The following RBM26 variants were observed in gnomAD, a reference collection of about 807,000 sequenced individuals.
RBM26 encodes RNA-binding protein 26.
Under a neutral mutation model 123.6 loss-of-function variants are expected in RBM26, and 30 were observed. That is an observed-to-expected ratio of 0.24 (90% confidence interval 0.18 to 0.33). RBM26 has a LOEUF of 0.33. Ranked by LOEUF, RBM26 falls within the 10% of genes least tolerant of loss-of-function variation. The probability of loss-of-function intolerance (pLI) is 1.00; values close to 1 mark genes in which losing one functional copy is unlikely to be tolerated. For synonymous variants in RBM26, 400 were observed against 404.4 expected, an observed-to-expected ratio of 0.99 and a Z score of 0.13; for missense variants, 947 against 1,203.6, an observed-to-expected ratio of 0.79 and a Z score of 3.15.
chr13:79,385,648 C>T (rs6563101), intron 1 of RBM26, among the ~76,000 whole-genome samples: 150,261 of 152,248 alleles, frequency 0.99, 74,190 homozygotes, highest in East Asian at 1. Context: ...CAATATTTAT[C>T]AAGAATTAAA....
intron 9 of RBM26, among the ~76,000 whole-genome samples, chr13:79,363,544 T>C (rs2074944569): frequency 6.6e-6 from 1 of 152,142 alleles, no homozygotes; most frequent in African/African-American, 2.4e-5. Context: ...AAATGGTACA[T>C]GATGTATCTA....
chr13:79,335,606 T>G (rs1367505577), intron 19 of RBM26, among the ~76,000 whole-genome samples: 1 of 152,132 alleles, frequency 6.6e-6, no homozygotes, highest in Admixed American at 6.5e-5. Context: ...AAGCTAAACT[T>G]CAACTAAACC....
intron 9 of RBM26, among the ~76,000 whole-genome samples, chr13:79,362,338 AAACTT>A (rs1223718326): frequency 1.3e-5 from 2 of 152,102 alleles, no homozygotes; most frequent in African/African-American, 4.8e-5. Context: ...TCTTTCCACT[AAACTT>A]ATTTTTTTCA....
chr13:79,317,071 G>C (rs2138256151), downstream of RBM26, among the ~76,000 whole-genome samples: 1 of 151,832 alleles, frequency 6.6e-6, no homozygotes, highest in South Asian at 2.1e-4. Flanking sequence ...TTACTAGCAA[G>C]TACTTCTACT....
At chr13:79,405,420 C>A (rs2079444245) in intron 1 of RBM26, among the ~76,000 whole-genome samples, 1 of 151,938 alleles carries the variant, frequency 6.6e-6, no homozygotes, top group South Asian at 2.1e-4. Context: ...CTAAAATAAA[C>A]CGATTTTGAG....
At chr13:79,375,643 A>G (rs1480534157) in intron 3 of RBM26, among the ~76,000 whole-genome samples, 1 of 152,148 alleles carries the variant, frequency 6.6e-6, no homozygotes, top group Non-Finnish European at 1.5e-5. Flanking sequence ...AAATAGGTTC[A>G]GTTATAAATT....
At chr13:79,377,681 C>T (rs2076761372) in intron 2 of RBM26, among the ~76,000 whole-genome samples, 166 bp from the exon 3 acceptor site, 1 of 152,144 alleles carries the variant, frequency 6.6e-6, no homozygotes, top group Admixed American at 6.5e-5. Context: ...AATCCCAGCA[C>T]TTTGGGAGGC....
At chr13:79,318,417 T>C (rs2067345110), downstream of RBM26, among the ~76,000 whole-genome samples, 1 of 151,274 alleles carries the variant, frequency 6.6e-6, no homozygotes, top group African/African-American at 2.4e-5. Flanking sequence ...TGAAAACATA[T>C]GAAAGTACAT....
intron 20 of RBM26, among the ~76,000 whole-genome samples, chr13:79,325,407 C>T (rs181984823): frequency 2.0e-5 from 3 of 151,894 alleles, no homozygotes; most frequent in Admixed American, 6.6e-5. Flanking sequence ...TGGGACAAGA[C>T]GTAAAGGTAG....
At chr13:79,340,669 C>A (rs1420239633) in intron 18 of RBM26, among the ~76,000 whole-genome samples, 3 of 151,860 alleles carry the variant, frequency 2.0e-5, no homozygotes, top group African/African-American at 7.2e-5. Flanking sequence ...TTTCTCTTTT[C>A]TAAACATCCA....
chr13:79,366,224 A>G (rs1482203271), intron 7 of RBM26, 29 bp from the exon 8 acceptor site: 1 of 1,598,406 alleles, frequency 6.3e-7, no homozygotes, highest in African/African-American at 1.3e-5. Flanking sequence ...AAGAAATATC[A>G]TCTGAAAGCA....
Position 79,341,725 on chromosome 13 carries a change from T to A in RBM26, c.2428-498A>T, listed in dbSNP as rs140736578. 1.3e-3 allele frequency among the ~76,000 whole-genome samples: 202 copies of A among 151,936 alleles called. 6 individuals are homozygous for A. The East Asian group carries it at 0.031, about 23-fold the overall frequency. On this transcript the variant is annotated intron_variant, in intron 17 of 21. Coordinates refer to ENST00000438737, the MANE Select transcript of RBM26 (RefSeq NM_001366735.2). ...GGGGTCTTTTATGTATTCCTTTTTA[T>A]ATAGTTTTGCTTTTGAACCATGAGA...
intron 8 of RBM26, 68 bp downstream of exon 8, chr13:79,365,987 T>C (rs948265960): frequency 6.8e-7 from 1 of 1,473,962 alleles, no homozygotes; most frequent in South Asian, 1.2e-5. Flanking sequence ...CAATTCTCTC[T>C]AGACATTTTA....
intron 5 of RBM26, 132 bp downstream of exon 5, chr13:79,370,813 G>A: frequency 2.1e-6 from 2 of 961,768 alleles, no homozygotes; most frequent in Non-Finnish European, 3.0e-6. Flanking sequence ...TTTTTAAAAA[G>A]CATTCTCTTG....
rs146556987 is a variant in RBM26, at chr13:79,333,415, AC to A, written c.2820+928del. ...TTATGGTTACAATGCCCCAAGGGCA[AC>A]TTCTACCAGGTAAGCAATGTACCAC... On this transcript the variant is annotated intron_variant, in intron 20 of 21. Transcript: ENST00000438737. 1.7e-3 allele frequency among the ~76,000 whole-genome samples: 259 copies of A among 152,342 alleles called. 6 individuals are homozygous for A. The East Asian group carries it at 0.042, about 25-fold the overall frequency.
At chr13:79,354,356 C>A in intron 13 of RBM26, 83 bp downstream of exon 13, 1 of 1,133,024 alleles carries the variant, frequency 8.8e-7, no homozygotes, top group South Asian at 3.1e-5. Flanking sequence ...AAAATATATA[C>A]AATTAACTAT....
Position 79,319,995 on chromosome 13 carries a change from C to CTT in RBM26, c.*624_*625dup, listed in dbSNP as rs1245125526. 6.7e-4 allele frequency: 270 copies of CTT among 404,608 alleles called. No individual in the cohort carries two copies. The highest frequency in any genetic ancestry group is 7.5e-4 in the South Asian group (6 of 8,030). 25.1% of individuals were successfully genotyped at this position (404,608 alleles called of 1,614,324 possible). ...TGTCATTGCTTTTCTCTTTTCTTTC[C>CTT]TTTTTTTTTTTTAAAGAGACCATTC... On this transcript the variant is annotated 3_prime_UTR_variant, in exon 22 of 22. Transcript: ENST00000438737.
At chr13:79,338,195 G>A (rs1386440244) in intron 18 of RBM26, among the ~76,000 whole-genome samples, 1 of 152,170 alleles carries the variant, frequency 6.6e-6, no homozygotes, top group African/African-American at 2.4e-5. Flanking sequence ...CTGGGCGACA[G>A]AGCAAGATTC....
chr13:79,319,031 GA>G lies in RBM26; in HGVS notation c.*1589del. The G allele has an allele frequency of 2.0e-6, 2 of 983,798 alleles. No individual in the cohort carries two copies. The highest frequency in any genetic ancestry group is 2.4e-6 in the Non-Finnish European group (2 of 828,668). 60.9% of individuals were successfully genotyped at this position (983,798 alleles called of 1,614,324 possible). A position where few individuals can be genotyped will look rare whatever the true frequency, so the allele number is the denominator to read the frequency against. Reference sequence around the variant, plus strand: ...GTCACTATTTTGACAACTGAAATCTGATTTTGAAATTTTAAATATAAACGTA... The same window carrying G: ...GTCACTATTTTGACAACTGAAATCTGTTTTGAAATTTTAAATATAAACGTA... On this transcript the variant is annotated 3_prime_UTR_variant, in exon 22 of 22. Coordinates refer to ENST00000438737, the MANE Select transcript of RBM26 (RefSeq NM_001366735.2).
Sources: gnomAD v4.1 joint callset for allele counts (sites outside exome capture counted in the v4.1 genomes callset) on GRCh38, gnomAD v4.1.1 for gene constraint, MANE v1.5 for transcripts, NCBI Gene and HGNC (gene_info 2026-07-23, HGNC 2026-07-21) for gene names.